The following SKIC3 variants were observed in gnomAD, a reference collection of about 807,000 sequenced individuals.
The protein encoded by SKIC3 is SKI3 subunit of superkiller complex, also known as superkiller complex protein 3.
chr5:95,511,534 C>T, the SKIC3 span, among the ~76,000 whole-genome samples: 1 of 152,190 alleles, frequency 6.6e-6, no homozygotes, highest in Admixed American at 6.5e-5. Flanking sequence ...TAGTCTAGTG[C>T]CTCAGGCTAA....
the SKIC3 span, chr5:95,543,160 C>T: frequency 2.9e-5 from 46 of 1,612,034 alleles, no homozygotes; most frequent in African/African-American, 2.7e-4. Flanking sequence ...TTCCATAATA[C>T]AGAAAAAAAA....
At chr5:95,523,975 T>C in the SKIC3 span, 1 of 846,288 alleles carries the variant, frequency 1.2e-6, no homozygotes, top group Non-Finnish European at 1.8e-6. Context: ...AAAAATCCTT[T>C]GATGTAAGAT....
the SKIC3 span, chr5:95,490,840 G>A: frequency 6.3e-7 from 1 of 1,592,476 alleles, no homozygotes; most frequent in Non-Finnish European, 8.6e-7. Context: ...GAAGCCGTTT[G>A]TATTCTGGAT....
chr5:95,506,655 A>G, the SKIC3 span, among the ~76,000 whole-genome samples: 30 of 152,322 alleles, frequency 2.0e-4, no homozygotes, highest in South Asian at 6.0e-3. Context: ...TCTTCCAATT[A>G]ACGAGGCTTC....
the SKIC3 span, chr5:95,528,972 T>C: frequency 1.3e-6 from 2 of 1,594,008 alleles, no homozygotes; most frequent in Non-Finnish European, 1.7e-6. Context: ...GTCACCCTTA[T>C]ATGTCAACCC....
At chr5:95,497,302 T>C in the SKIC3 span, 1 of 1,025,976 alleles carries the variant, frequency 9.7e-7, no homozygotes, top group Non-Finnish European at 1.5e-6. Context: ...TAACAGAACT[T>C]TCTTCATTGT....
At chr5:95,541,201 G>A in the SKIC3 span, 6 of 1,033,930 alleles carry the variant, frequency 5.8e-6, no homozygotes, top group Non-Finnish European at 9.0e-6. Flanking sequence ...CCCGACCTCA[G>A]GTGATCTGCC....
At chr5:95,511,489 C>G in the SKIC3 span, among the ~76,000 whole-genome samples, 1,411 of 152,206 alleles carry the variant, frequency 9.3e-3, 23 homozygotes, top group African/African-American at 0.032. Context: ...CTAAGGCAAA[C>G]CCCCCCAAGT....
chr5:95,547,031 T>C, the SKIC3 span: 1 of 1,590,768 alleles, frequency 6.3e-7, no homozygotes, highest in Non-Finnish European at 8.6e-7. Context: ...GTAACATACT[T>C]TCATTGTGGA....
the SKIC3 span, chr5:95,520,710 A>G: frequency 1.2e-6 from 2 of 1,602,206 alleles, no homozygotes; most frequent in Non-Finnish European, 1.7e-6. Flanking sequence ...TAAGAATAAT[A>G]CGAACCAAGT....
chr5:95,489,520 T>TAA, the SKIC3 span, among the ~76,000 whole-genome samples: 1,110 of 116,614 alleles, frequency 9.5e-3, 12 homozygotes, highest in African/African-American at 0.031. Context: ...GGCAACCAGT[T>TAA]AAAAAAAAAA....
the SKIC3 span, among the ~76,000 whole-genome samples, chr5:95,535,371 C>T: frequency 7.5e-6 from 1 of 133,318 alleles, no homozygotes; most frequent in Non-Finnish European, 1.5e-5. Context: ...AGTGCAGTGG[C>T]GCTATCTCGG....
At chr5:95,525,640 C>T in the SKIC3 span, 2 of 1,613,968 alleles carry the variant, frequency 1.2e-6, no homozygotes, top group Non-Finnish European at 1.7e-6. Context: ...CTTTTGAGAA[C>T]CAAAAGTCCT....
chr5:95,468,339 G>A, the SKIC3 span, among the ~76,000 whole-genome samples: 1 of 152,076 alleles, frequency 6.6e-6, no homozygotes, highest in African/African-American at 2.4e-5. Context: ...TACTTTGAGT[G>A]CTCTACCTCC....
chr5:95,475,597 A>C, the SKIC3 span, among the ~76,000 whole-genome samples: 35 of 152,264 alleles, frequency 2.3e-4, no homozygotes, highest in African/African-American at 7.9e-4. Flanking sequence ...TTTATAAATG[A>C]CCCTATCTCA....
At chr5:95,535,200 T>C in the SKIC3 span, among the ~76,000 whole-genome samples, 1 of 152,162 alleles carries the variant, frequency 6.6e-6, no homozygotes, top group Non-Finnish European at 1.5e-5. Flanking sequence ...TATGTTCTCT[T>C]TCTTCTTATG....
At chr5:95,495,125 T>C in the SKIC3 span, 1 of 1,049,882 alleles carries the variant, frequency 9.5e-7, no homozygotes, top group East Asian at 2.4e-5. Context: ...AGGTTCAGTT[T>C]TACCACATTC....
chr5:95,485,678 G>T, the SKIC3 span, among the ~76,000 whole-genome samples: 1 of 152,102 alleles, frequency 6.6e-6, no homozygotes, highest in Non-Finnish European at 1.5e-5. Flanking sequence ...AATTTGAGTA[G>T]AATGGGTATT....
the SKIC3 span, chr5:95,547,042 A>C: frequency 6.2e-7 from 1 of 1,604,872 alleles, no homozygotes; most frequent in Non-Finnish European, 8.5e-7. Context: ...TCATTGTGGA[A>C]GAAAAAAATA....
Sources: allele counts gnomAD v4.1 joint callset (sites outside exome capture counted in the v4.1 genomes callset), GRCh38; gene constraint gnomAD v4.1.1; transcripts MANE v1.5; gene names NCBI Gene and HGNC (gene_info 2026-07-23, HGNC 2026-07-21).